RBFOX1: variants seen among roughly 807,000 people sequenced by gnomAD.
RBFOX1 encodes the protein RNA binding fox-1 homolog 1.
Under a neutral mutation model 57.7 loss-of-function variants are expected in RBFOX1, and 8 were observed. The ratio of observed to expected loss-of-function variants is 0.14; its 90% CI spans 0.08 to 0.25. The LOEUF (loss-of-function observed/expected upper bound fraction) is 0.25, where lower values mean the gene tolerates loss of function less well. Ranked by LOEUF, RBFOX1 falls within the 10% of genes least tolerant of loss-of-function variation. The pLI, the probability that RBFOX1 is intolerant of heterozygous loss-of-function variation, is 1.00. For synonymous variants in RBFOX1, 326 were observed against 222.4 expected (o/e 1.47, Z -4.15); for missense variants, 611 against 548.5 (o/e 1.11, Z -1.14).
chr16:6,329,821 C>G (rs768319020), intron 2 of RBFOX1, among the ~76,000 whole-genome samples: 1 of 152,114 alleles, frequency 6.6e-6, no homozygotes, highest in Non-Finnish European at 1.5e-5. Flanking sequence ...ACCTGTAATT[C>G]CAGCTACTTG....
chr16:6,398,527 T>C (rs34356278), intron 2 of RBFOX1, among the ~76,000 whole-genome samples: 42,802 of 151,892 alleles, frequency 0.28, 6,532 homozygotes, highest in East Asian at 0.36. Context: ...ATACACTCAT[T>C]CCAAATGAGG....
At chr16:6,630,661 T>C (rs1393921041) in intron 2 of RBFOX1, among the ~76,000 whole-genome samples, 1 of 152,204 alleles carries the variant, frequency 6.6e-6, no homozygotes, top group East Asian at 1.9e-4. Flanking sequence ...TTGGTAATAC[T>C]TATATTCCCT....
chr16:7,047,613 C>CT (rs200279863), intron 3 of RBFOX1, among the ~76,000 whole-genome samples: 28 of 101,342 alleles, frequency 2.8e-4, no homozygotes, highest in East Asian at 2.0e-3. Flanking sequence ...GCCATTATTT[C>CT]TTAATTTTTT....
chr16:6,396,888 G>T (rs1039196920), intron 2 of RBFOX1, among the ~76,000 whole-genome samples: 1 of 152,014 alleles, frequency 6.6e-6, no homozygotes, highest in Non-Finnish European at 1.5e-5. Flanking sequence ...ATATAAAAAT[G>T]AAAATTTTAG....
chr16:7,672,798 C>A (rs1179924609), intron 13 of RBFOX1, among the ~76,000 whole-genome samples: 1 of 121,740 alleles, frequency 8.2e-6, no homozygotes, highest in South Asian at 2.8e-4. Context: ...ACCTGGGAGA[C>A]ACAGATTGCA....
At chr16:6,246,058 G>A (rs1473353119) in intron 1 of RBFOX1, among the ~76,000 whole-genome samples, 2 of 152,072 alleles carry the variant, frequency 1.3e-5, no homozygotes, top group Non-Finnish European at 2.9e-5. Flanking sequence ...AATTATTGTG[G>A]TTTTAAGTAA....
chr16:6,340,782 G>T (rs2084448529), intron 2 of RBFOX1, among the ~76,000 whole-genome samples: 1 of 152,086 alleles, frequency 6.6e-6, no homozygotes. Context: ...TACTATCTGG[G>T]AATGCAGCCC....
At chr16:6,625,851 A>G (rs2098297685) in intron 2 of RBFOX1, among the ~76,000 whole-genome samples, 1 of 152,202 alleles carries the variant, frequency 6.6e-6, no homozygotes, top group South Asian at 2.1e-4. Context: ...GCATTTAATG[A>G]TGTCTGCCAT....
At chr16:5,682,840 C>G (rs1422635572) in intron 3 of RBFOX1, among the ~76,000 whole-genome samples, 4 of 152,176 alleles carry the variant, frequency 2.6e-5, no homozygotes, top group Non-Finnish European at 2.9e-5. Context: ...TGTATTGCTA[C>G]TTTCTCTTTA....
intron 4 of RBFOX1, among the ~76,000 whole-genome samples, chr16:7,228,867 C>T (rs371831325): frequency 6.6e-6 from 1 of 152,124 alleles, no homozygotes; most frequent in Admixed American, 6.5e-5. Flanking sequence ...GAGTGTTTTA[C>T]AGATCCACAG....
intron 4 of RBFOX1, among the ~76,000 whole-genome samples, chr16:5,975,946 C>G (rs1397825192): frequency 6.6e-6 from 1 of 152,104 alleles, no homozygotes; most frequent in Non-Finnish European, 1.5e-5. Flanking sequence ...AAGTTCAAGA[C>G]CAGCCTGGCC....
intron 3 of RBFOX1, among the ~76,000 whole-genome samples, chr16:6,682,770 T>C (rs562839149): frequency 6.6e-6 from 1 of 151,524 alleles, no homozygotes; most frequent in Non-Finnish European, 1.5e-5. Flanking sequence ...TACTAAAATA[T>C]TTCAGGGTGA....
chr16:6,750,886 A>G (rs13335792), intron 3 of RBFOX1, among the ~76,000 whole-genome samples: 2,438 of 152,296 alleles, frequency 0.016, 62 homozygotes, highest in African/African-American at 0.056. Context: ...ATGGTAGAAG[A>G]TACAGTAGTG....
intron 1 of RBFOX1, among the ~76,000 whole-genome samples, chr16:6,282,647 T>G (rs1279356930): frequency 6.6e-6 from 1 of 152,176 alleles, no homozygotes; most frequent in African/African-American, 2.4e-5. Flanking sequence ...TTTCGTTTTC[T>G]GTTCCTGTGT....
At chr16:7,027,037 C>G (rs566527042) in intron 3 of RBFOX1, among the ~76,000 whole-genome samples, 5 of 152,274 alleles carry the variant, frequency 3.3e-5, no homozygotes, top group Admixed American at 2.6e-4. Context: ...CTCCTCCATT[C>G]TCCCTGAACA....
chr16:6,981,532 C>T (rs141452851), intron 3 of RBFOX1, among the ~76,000 whole-genome samples: 3 of 152,074 alleles, frequency 2.0e-5, no homozygotes, highest in Non-Finnish European at 4.4e-5. Flanking sequence ...GTACCTGAGA[C>T]TGGGTAATTT....
intron 4 of RBFOX1, among the ~76,000 whole-genome samples, chr16:7,267,545 T>A (rs568481399): frequency 3.6e-4 from 54 of 150,606 alleles, no homozygotes; most frequent in Middle Eastern, 3.6e-3. Flanking sequence ...CGACAAAAAA[T>A]TTAAAAAAAT....
chr16:5,639,191 G>A (rs745539145), intron 3 of RBFOX1, among the ~76,000 whole-genome samples: 7 of 152,116 alleles, frequency 4.6e-5, no homozygotes, highest in African/African-American at 1.2e-4. Flanking sequence ...TTCCTCTTGC[G>A]TGATACGTTC....
chr16:6,118,999 G>C (rs991611881), intron 1 of RBFOX1, among the ~76,000 whole-genome samples: 1 of 147,962 alleles, frequency 6.8e-6, no homozygotes, highest in Non-Finnish European at 1.5e-5. Flanking sequence ...CTGTGAATCT[G>C]TGACAATTCC....
Sources: gnomAD v4.1 joint callset for allele counts (sites outside exome capture counted in the v4.1 genomes callset) on GRCh38, gnomAD v4.1.1 for gene constraint, MANE v1.5 for transcripts, NCBI Gene and HGNC (gene_info 2026-07-23, HGNC 2026-07-21) for gene names.